Variants in ARFGEF1 observed in about 807,000 individuals in gnomAD.
ARFGEF1 encodes the protein ARF guanine nucleotide exchange factor 1.
Under a neutral mutation model 231.0 loss-of-function variants are expected in ARFGEF1, and 42 were observed. The observed-to-expected ratio is 0.18, with a 90% CI of 0.14 to 0.24. The LOEUF is 0.24. ARFGEF1 is among the 10% of genes least tolerant of loss of function. The pLI is 1.00. For missense variants in ARFGEF1, 1,345 were observed against 2,192.0 expected (o/e 0.61, Z 7.72); for synonymous variants, 710 against 732.3 (o/e 0.97, Z 0.49).
chr8:67,222,206 C>T (rs371862533), intron 29 of ARFGEF1, among the ~76,000 whole-genome samples: 10,743 of 112,944 alleles, frequency 0.095, 1,059 homozygotes, highest in African/African-American at 0.27. Flanking sequence ...TATATATATA[C>T]ACACACATAT....
At chr8:67,270,251 A>T (rs898090978) in intron 10 of ARFGEF1, among the ~76,000 whole-genome samples, 4 of 152,224 alleles carry the variant, frequency 2.6e-5, no homozygotes, top group Non-Finnish European at 5.9e-5. Context: ...TCATATAGGC[A>T]CCAAAAATGG....
chr8:67,293,876 G>A (rs536526761), intron 5 of ARFGEF1, among the ~76,000 whole-genome samples: 1 of 152,250 alleles, frequency 6.6e-6, no homozygotes, highest in East Asian at 1.9e-4. Flanking sequence ...GTACTTTTCT[G>A]AGTAGACCTT....
At chr8:67,194,375 A>ACTAT (rs1266985805), downstream of ARFGEF1, among the ~76,000 whole-genome samples, 17 of 152,324 alleles carry the variant, frequency 1.1e-4, no homozygotes, top group Admixed American at 8.5e-4. Flanking sequence ...GTACTCATAT[A>ACTAT]CTATCTATCT....
chr8:67,241,474 GA>G (rs372832232), intron 19 of ARFGEF1, among the ~76,000 whole-genome samples: 97 of 148,360 alleles, frequency 6.5e-4, no homozygotes, highest in African/African-American at 2.1e-3. Flanking sequence ...TTAAGGCAGT[GA>G]AAAAAAAAAT....
Position 67,311,708 on chromosome 8 carries a change from TGC to T in ARFGEF1, c.125-9244_125-9243del, listed in dbSNP as rs557727047. ...CCTACTGGGAAGTGAAGAGCCCTTC[TGC>T]CCGGCCACCACCCTGTCTGGGAGGT... is the stretch of plus-strand genomic sequence containing the variant. On this transcript the variant is annotated intron_variant, in intron 1 of 38. Coordinates refer to ENST00000262215, the MANE Select transcript of ARFGEF1 (RefSeq NM_006421.5). 2.0e-4 allele frequency among the ~76,000 whole-genome samples: 31 copies of T among 152,276 alleles called. No individual in the cohort carries two copies. In the South Asian group the frequency reaches 6.4e-3, roughly 32 times the overall value.
intron 29 of ARFGEF1, among the ~76,000 whole-genome samples, chr8:67,219,892 T>A (rs1289317245): frequency 6.6e-6 from 1 of 152,244 alleles, no homozygotes; most frequent in Non-Finnish European, 1.5e-5. Flanking sequence ...ATTAATTTTG[T>A]GGCACTGTAG....
downstream of ARFGEF1, among the ~76,000 whole-genome samples, chr8:67,193,043 T>C (rs544162518): frequency 1.3e-5 from 2 of 152,246 alleles, no homozygotes; most frequent in Non-Finnish European, 2.9e-5. Context: ...AGCCATAATA[T>C]ACGTGCTCTA....
chr8:67,304,055 G>A (rs754962531), intron 1 of ARFGEF1, among the ~76,000 whole-genome samples: 4 of 152,130 alleles, frequency 2.6e-5, no homozygotes, highest in African/African-American at 4.8e-5. Flanking sequence ...TTTATTAACC[G>A]TTCTACCATA....
intron 1 of ARFGEF1, among the ~76,000 whole-genome samples, chr8:67,321,670 C>T (rs1807602473): frequency 6.6e-6 from 1 of 151,936 alleles, no homozygotes; most frequent in Non-Finnish European, 1.5e-5. Context: ...CCGTGTTAGC[C>T]AAGATGGTCT....
intron 4 of ARFGEF1, 37 bp from the exon 5 acceptor site, chr8:67,296,647 T>A: frequency 6.6e-7 from 1 of 1,510,038 alleles, no homozygotes. Context: ...AAAGAGATTT[T>A]CTTTTTCTTT....
chr8:67,232,804 A>G (rs1839597737), intron 23 of ARFGEF1, 51 bp downstream of exon 23: 2 of 1,402,638 alleles, frequency 1.4e-6, no homozygotes, highest in Non-Finnish European at 9.8e-7. Context: ...CCTAAATGCT[A>G]AAGAACTGAA....
chr8:67,231,759 C>T (rs1367843998), intron 23 of ARFGEF1, among the ~76,000 whole-genome samples: 1 of 151,968 alleles, frequency 6.6e-6, no homozygotes, highest in African/African-American at 2.4e-5. Context: ...TGGGAATGAG[C>T]AAGTTATTTA....
At chr8:67,261,974 C>G (rs1052552403) in intron 14 of ARFGEF1, among the ~76,000 whole-genome samples, 2 of 151,866 alleles carry the variant, frequency 1.3e-5, no homozygotes, top group Non-Finnish European at 2.9e-5. Flanking sequence ...GTCGTAAAAG[C>G]TGCCATGTAG....
chr8:67,224,616 T>C (rs1029096212), intron 29 of ARFGEF1, among the ~76,000 whole-genome samples: 2 of 152,154 alleles, frequency 1.3e-5, no homozygotes, highest in Admixed American at 6.6e-5. Flanking sequence ...GAAACAAATA[T>C]ATGAAAAGAC....
intron 1 of ARFGEF1, among the ~76,000 whole-genome samples, chr8:67,310,940 G>GGT (rs1806989701): frequency 1.4e-5 from 2 of 141,204 alleles, no homozygotes; most frequent in Non-Finnish European, 1.5e-5. Flanking sequence ...TCTCCGCCCG[G>GGT]CAGCCACCCC....
intron 34 of ARFGEF1, among the ~76,000 whole-genome samples, chr8:67,206,148 G>A (rs924275130): frequency 2.6e-5 from 4 of 151,976 alleles, no homozygotes; most frequent in Non-Finnish European, 4.4e-5. Context: ...AATGGCTCAT[G>A]CCTGTAATCC....
At position 67,343,204 on chromosome 8, in the gene ARFGEF1, C is replaced by A. The variant is rs748130650; in HGVS notation, c.84G>T (p.Ala28=). The A allele has an allele frequency of 9.3e-6, 15 of 1,611,022 alleles. No homozygotes were observed. The highest frequency in any genetic ancestry group is 1.2e-5 in the Non-Finnish European group (14 of 1,178,226). ...AAGCTTTGCGCAGCTGGGAGTGATGCGCCTTCTTCACTTCCTTGTCGGCCA... is the reference window on the plus strand; with the variant it reads ...AAGCTTTGCGCAGCTGGGAGTGATGAGCCTTCTTCACTTCCTTGTCGGCCA... The part of the protein sequence containing the change: ...KILADKEVKK[A]HHSQLRKACE... The change falls in exon 1 of 39, where the codon GCG becomes GCT. Residue 28 remains alanine (A), a synonymous_variant. Coordinates refer to ENST00000262215, the MANE Select transcript of ARFGEF1 (RefSeq NM_006421.5).
At chr8:67,298,220 C>G (rs1056991467) in intron 4 of ARFGEF1, among the ~76,000 whole-genome samples, 1 of 151,956 alleles carries the variant, frequency 6.6e-6, no homozygotes, top group Non-Finnish European at 1.5e-5. Context: ...CATATATACA[C>G]GTAAAAACAA....
chr8:67,307,070 C>T (rs536071607), intron 1 of ARFGEF1, among the ~76,000 whole-genome samples: 6 of 152,340 alleles, frequency 3.9e-5, no homozygotes, highest in South Asian at 4.1e-4. Flanking sequence ...TGAGCCACCA[C>T]GCCCAGCCAC....
Sources: gnomAD v4.1 joint callset for allele counts (sites outside exome capture counted in the v4.1 genomes callset) on GRCh38, gnomAD v4.1.1 for gene constraint, MANE v1.5 for transcripts, NCBI Gene and HGNC (gene_info 2026-07-23, HGNC 2026-07-21) for gene names.